AGBL4: variants seen among roughly 807,000 people sequenced by gnomAD.
AGBL4 encodes AGBL carboxypeptidase 4.
AGBL4 carries 58 observed loss-of-function variants against 66.4 expected under a neutral mutation model. That is an observed-to-expected ratio of 0.87 (90% CI 0.71 to 1.09). The LOEUF is 1.09. Among genes scored for constraint, AGBL4 ranks in the 50% least tolerant of loss-of-function variants. AGBL4 has a pLI of 0.00. For missense variants in AGBL4, 579 were observed against 631.0 expected (o/e 0.92, Z 0.88); for synonymous variants, 234 against 222.9 (o/e 1.05, Z -0.44).
At chr1:49,061,518 T>C (rs1302773290) in intron 4 of AGBL4, among the ~76,000 whole-genome samples, 2 of 152,134 alleles carry the variant, frequency 1.3e-5, no homozygotes, top group Non-Finnish European at 2.9e-5. Flanking sequence ...AAGAACGATA[T>C]GGCACAGCCC....
At chr1:49,611,222 T>C (rs192778095) in intron 3 of AGBL4, among the ~76,000 whole-genome samples, 55 of 152,174 alleles carry the variant, frequency 3.6e-4, no homozygotes, top group African/African-American at 1.2e-3. Flanking sequence ...TAAGCCAGAA[T>C]ATAAGAGAAT....
chr1:48,599,489 A>T (rs147632778), intron 9 of AGBL4, among the ~76,000 whole-genome samples: 2 of 152,328 alleles, frequency 1.3e-5, no homozygotes, highest in East Asian at 1.9e-4. Flanking sequence ...TCATAATCTT[A>T]TGGGACCACC....
At chr1:49,128,964 G>A (rs940977631) in intron 4 of AGBL4, among the ~76,000 whole-genome samples, 134 of 151,884 alleles carry the variant, frequency 8.8e-4, no homozygotes, top group Non-Finnish European at 1.6e-3. Context: ...TCATATACGT[G>A]ATAAAAGACT....
chr1:49,837,637 G>C (rs529561172), intron 2 of AGBL4, among the ~76,000 whole-genome samples: 4 of 152,228 alleles, frequency 2.6e-5, no homozygotes, highest in African/African-American at 9.6e-5. Context: ...ACGAGGTCAG[G>C]AGATCGGACC....
intron 1 of AGBL4, among the ~76,000 whole-genome samples, chr1:49,991,450 A>AC (rs1257109776): frequency 6.6e-6 from 1 of 152,178 alleles, no homozygotes; most frequent in African/African-American, 2.4e-5. Flanking sequence ...TTTGCCAAAA[A>AC]TTTTACAAAG....
intron 4 of AGBL4, among the ~76,000 whole-genome samples, chr1:49,062,900 C>A (rs1165629940): frequency 6.6e-6 from 1 of 152,180 alleles, no homozygotes; most frequent in Non-Finnish European, 1.5e-5. Context: ...TTGATCTTCA[C>A]ACATTTAAAA....
intron 5 of AGBL4, among the ~76,000 whole-genome samples, chr1:48,924,728 T>A (rs1654385085): frequency 6.6e-6 from 1 of 152,094 alleles, no homozygotes; most frequent in Non-Finnish European, 1.5e-5. Context: ...GGGATGGAAT[T>A]GCTGATGGAC....
intron 4 of AGBL4, among the ~76,000 whole-genome samples, chr1:49,234,725 G>A (rs1391209082): frequency 6.6e-6 from 1 of 152,026 alleles, no homozygotes; most frequent in East Asian, 1.9e-4. Flanking sequence ...TTTCTCCAGG[G>A]ACATTCCCAA....
intron 2 of AGBL4, among the ~76,000 whole-genome samples, chr1:49,835,721 T>C (rs920268237): frequency 2.6e-5 from 4 of 152,302 alleles, no homozygotes; most frequent in Non-Finnish European, 5.9e-5. Flanking sequence ...AGTTTTTCCT[T>C]TCCATATTTA....
chr1:49,505,374 T>A (rs2148771462), intron 3 of AGBL4, among the ~76,000 whole-genome samples: 1 of 152,128 alleles, frequency 6.6e-6, no homozygotes, highest in South Asian at 2.1e-4. Context: ...CTTTTTTTTT[T>A]CAACTTTAAG....
intron 3 of AGBL4, among the ~76,000 whole-genome samples, chr1:49,667,994 A>G (rs1235633641): frequency 6.6e-6 from 1 of 152,152 alleles, no homozygotes; most frequent in Non-Finnish European, 1.5e-5. Flanking sequence ...TGTTGTGAAG[A>G]TGCAATAACA....
At chr1:49,644,721 A>G (rs1483560809) in intron 3 of AGBL4, among the ~76,000 whole-genome samples, 1 of 151,576 alleles carries the variant, frequency 6.6e-6, no homozygotes, top group Non-Finnish European at 1.5e-5. Context: ...TAGATAGAAA[A>G]TCAGGAAGGA....
intron 3 of AGBL4, among the ~76,000 whole-genome samples, chr1:49,582,145 A>T (rs928456383): frequency 2.0e-5 from 3 of 152,142 alleles, no homozygotes; most frequent in Admixed American, 6.5e-5. Context: ...AGAAGCCTGG[A>T]TCCCACACTC....
intron 4 of AGBL4, among the ~76,000 whole-genome samples, chr1:49,166,861 T>TA (rs1230166243): frequency 6.6e-6 from 1 of 152,202 alleles, no homozygotes; most frequent in Non-Finnish European, 1.5e-5. Flanking sequence ...GTCTATAACC[T>TA]AACTTACTGA....
At chr1:49,901,648 C>A (rs1312747246) in intron 1 of AGBL4, among the ~76,000 whole-genome samples, 5 of 152,144 alleles carry the variant, frequency 3.3e-5, no homozygotes, top group African/African-American at 9.7e-5. Context: ...TTATTCCTAT[C>A]AATCTAGCAA....
At chr1:49,010,805 G>T (rs1571224486) in intron 5 of AGBL4, among the ~76,000 whole-genome samples, 2 of 152,108 alleles carry the variant, frequency 1.3e-5, no homozygotes, top group South Asian at 4.1e-4. Context: ...AATAAATGGT[G>T]CTGGGAAAAC....
At chr1:48,967,917 C>T (rs1317438387) in intron 5 of AGBL4, among the ~76,000 whole-genome samples, 1 of 152,240 alleles carries the variant, frequency 6.6e-6, no homozygotes, top group East Asian at 1.9e-4. Context: ...ATCAGGGAAA[C>T]TTTCTTCTCC....
chr1:49,584,494 A>C (rs1303962253), intron 3 of AGBL4, among the ~76,000 whole-genome samples: 5 of 152,128 alleles, frequency 3.3e-5, no homozygotes, highest in Non-Finnish European at 4.4e-5. Flanking sequence ...GACTTGTTTC[A>C]TAGTGGTTTC....
At chr1:49,927,138 T>C (rs932379505) in intron 1 of AGBL4, among the ~76,000 whole-genome samples, 5 of 152,070 alleles carry the variant, frequency 3.3e-5, no homozygotes, top group Non-Finnish European at 5.9e-5. Flanking sequence ...TGATTAAGGG[T>C]GGGTCTGCCT....
Sources: allele counts gnomAD v4.1 joint callset (sites outside exome capture counted in the v4.1 genomes callset), GRCh38; gene constraint gnomAD v4.1.1; transcripts MANE v1.5; gene names NCBI Gene and HGNC (gene_info 2026-07-23, HGNC 2026-07-21).